IL1RAPL1: variants seen among roughly 807,000 people sequenced by gnomAD.
The protein encoded by IL1RAPL1 is interleukin-1 receptor accessory protein-like 1.
Under a neutral mutation model 48.4 loss-of-function variants are expected in IL1RAPL1, and 3 were observed. That is an observed-to-expected ratio of 0.06 (90% CI 0.03 to 0.16). The LOEUF is 0.16. Ranked by LOEUF, IL1RAPL1 falls within the 10% of genes least tolerant of loss-of-function variation. The pLI, the probability that IL1RAPL1 is intolerant of heterozygous loss-of-function variation, is 1.00. For synonymous variants in IL1RAPL1, 185 were observed against 187.7 expected, an observed-to-expected ratio of 0.99 and a Z score of 0.12; for missense variants, 349 against 530.6, an observed-to-expected ratio of 0.66 and a Z score of 3.36.
chrX:28,819,967 GATATATATATATATATAT>G lies in IL1RAPL1; in HGVS notation c.82+30572_82+30589del, dbSNP rs764635166. Reference sequence around the variant, plus strand: ...TTTGTGATTACTGCATAAACATAGTGATATATATATATATATATATATATATATATATATATATATATA... The same window carrying G: ...TTTGTGATTACTGCATAAACATAGTGATATATATATATATATATATATATA... On this transcript the variant is annotated intron_variant, in intron 2 of 10. Coordinates refer to ENST00000378993, the MANE Select transcript of IL1RAPL1 (RefSeq NM_014271.4). Among the ~76,000 whole-genome samples the G allele has an allele frequency of 2.6e-3, 70 of 26,740 alleles. 2 individuals are homozygous for G. The South Asian group carries it at 0.054, about 21-fold the overall frequency. The allele number at this position is 26,740 out of a possible 115,157, so 23.2% of individuals were successfully genotyped here. A position where few individuals can be genotyped will look rare whatever the true frequency, so the allele number is the denominator to read the frequency against.
At chrX:29,240,224 A>ATATATATATATT in intron 2 of IL1RAPL1, among the ~76,000 whole-genome samples, 1 of 13,340 alleles carries the variant, frequency 7.5e-5, no homozygotes, top group Non-Finnish European at 1.1e-4. Flanking sequence ...ATATATATAT[A>ATATATATATATT]TTTTTTTTTT....
At chrX:29,931,938 GA>G (rs750424687) in intron 8 of IL1RAPL1, among the ~76,000 whole-genome samples, 13 of 112,564 alleles carry the variant, frequency 1.2e-4, no homozygotes, top group African/African-American at 4.2e-4. Context: ...TGTTAAGAAG[GA>G]AATTCCTAGT....
At chrX:28,794,631 A>C (rs1436734341) in intron 2 of IL1RAPL1, among the ~76,000 whole-genome samples, 1 of 111,514 alleles carries the variant, frequency 9.0e-6, no homozygotes, top group Non-Finnish European at 1.9e-5. Flanking sequence ...TCATTCTAGA[A>C]CCTGACAGGG....
chrX:28,833,113 TGCATCCATGTTGCTGCAAAGGACA>T (rs1921111366), intron 2 of IL1RAPL1, among the ~76,000 whole-genome samples: 2 of 111,247 alleles, frequency 1.8e-5, no homozygotes, highest in Non-Finnish European at 3.8e-5. Flanking sequence ...GGCCTCTAGC[TGCATCCATGTTGCTGCAAAGGACA>T]TGATTTCGTT....
intron 5 of IL1RAPL1, among the ~76,000 whole-genome samples, chrX:29,534,397 G>T (rs746952880): frequency 8.9e-6 from 1 of 112,103 alleles, no homozygotes; most frequent in Non-Finnish European, 1.9e-5. Flanking sequence ...AATAAAATAT[G>T]TATATGTCAT....
chrX:29,088,141 A>G (rs909878344), intron 2 of IL1RAPL1, among the ~76,000 whole-genome samples: 1 of 112,404 alleles, frequency 8.9e-6, no homozygotes, highest in South Asian at 3.7e-4. Flanking sequence ...CTATCTGGTA[A>G]TAGTTTGTCA....
chrX:29,802,765 A>ATATATATATATATGTGTGTG (rs1569172607), intron 6 of IL1RAPL1, among the ~76,000 whole-genome samples: 25 of 26,714 alleles, frequency 9.4e-4, no homozygotes, highest in African/African-American at 5.3e-3. Flanking sequence ...ATATATATAT[A>ATATATATATATATGTGTGTG]TATATATATA....
intron 6 of IL1RAPL1, 66 bp downstream of exon 6, chrX:29,668,570 G>C: frequency 1.3e-6 from 1 of 794,869 alleles, no homozygotes; most frequent in South Asian, 2.2e-5. Flanking sequence ...AATAAGCCTA[G>C]ATTGTAACCC....
At chrX:28,832,906 A>G (rs186892272) in intron 2 of IL1RAPL1, among the ~76,000 whole-genome samples, 124 of 105,249 alleles carry the variant, frequency 1.2e-3, no homozygotes, top group African/African-American at 4.2e-3. Flanking sequence ...GATTTGGGAT[A>G]CAAATGATCA....
chrX:29,229,403 T>TA (rs1303864940), intron 2 of IL1RAPL1, among the ~76,000 whole-genome samples: 153 of 105,140 alleles, frequency 1.5e-3, no homozygotes, highest in Admixed American at 3.9e-3. Flanking sequence ...TGATAATTTT[T>TA]AAAAAAAAAA....
At chrX:29,080,942 TTC>T (rs1220099599) in intron 2 of IL1RAPL1, among the ~76,000 whole-genome samples, 1 of 29,195 alleles carries the variant, frequency 3.4e-5, no homozygotes, top group Non-Finnish European at 5.3e-5. Flanking sequence ...CTTTCTTTCT[TTC>T]TTTCTTTCTT....
intron 6 of IL1RAPL1, among the ~76,000 whole-genome samples, chrX:29,763,342 C>T (rs1273812757): frequency 9.0e-6 from 1 of 111,094 alleles, no homozygotes; most frequent in African/African-American, 3.3e-5. Flanking sequence ...AAAAATTTAT[C>T]TTGTGATTTT....
At chrX:28,887,637 C>A (rs1167793752) in intron 2 of IL1RAPL1, among the ~76,000 whole-genome samples, 1 of 111,483 alleles carries the variant, frequency 9.0e-6, no homozygotes, top group Non-Finnish European at 1.9e-5. Context: ...TGTCTATCCC[C>A]AAGCAATATA....
chrX:29,000,047 G>A (rs773156807), intron 2 of IL1RAPL1, among the ~76,000 whole-genome samples: 5 of 111,431 alleles, frequency 4.5e-5, no homozygotes, highest in Non-Finnish European at 9.4e-5. Flanking sequence ...AGAGTCTGCT[G>A]CTTGCTACAA....
chrX:29,143,043 C>A (rs1602078243), intron 2 of IL1RAPL1, among the ~76,000 whole-genome samples: 1 of 110,985 alleles, frequency 9.0e-6, no homozygotes, highest in Admixed American at 9.7e-5. Flanking sequence ...GAACTCCAAT[C>A]TCTGGAATCA....
At chrX:29,142,674 A>T (rs957804537) in intron 2 of IL1RAPL1, among the ~76,000 whole-genome samples, 1 of 108,963 alleles carries the variant, frequency 9.2e-6, no homozygotes, top group Non-Finnish European at 1.9e-5. Flanking sequence ...CTGTAAATCT[A>T]AAATTATTTC....
chrX:29,865,945 C>T (rs369779824), intron 6 of IL1RAPL1, among the ~76,000 whole-genome samples: 2 of 109,920 alleles, frequency 1.8e-5, no homozygotes, highest in African/African-American at 3.3e-5. Context: ...CCACTGTGCC[C>T]GGCCACATAT....
chrX:29,930,302 T>A (rs910422381), intron 8 of IL1RAPL1, among the ~76,000 whole-genome samples: 2 of 112,170 alleles, frequency 1.8e-5, no homozygotes, highest in African/African-American at 6.5e-5. Flanking sequence ...CATAAACAGA[T>A]AGGCAAATAA....
intron 2 of IL1RAPL1, among the ~76,000 whole-genome samples, chrX:29,108,405 T>C (rs996797070): frequency 1.8e-5 from 2 of 110,803 alleles, no homozygotes; most frequent in African/African-American, 3.3e-5. Context: ...TTTTGTTTGT[T>C]TGTTTGTTTT....
Sources: gnomAD v4.1 joint callset for allele counts (sites outside exome capture counted in the v4.1 genomes callset) on GRCh38, gnomAD v4.1.1 for gene constraint, MANE v1.5 for transcripts, NCBI Gene and HGNC (gene_info 2026-07-23, HGNC 2026-07-21) for gene names.